ETV6: variants seen among roughly 807,000 people sequenced by gnomAD.
ETV6 encodes ETS variant transcription factor 6, also known as transcription factor ETV6.
In ETV6, 16 loss-of-function variants were observed where a neutral mutation model predicts 51.1. That is an observed-to-expected ratio of 0.31 (90% CI 0.21 to 0.48). The LOEUF is 0.48. Among genes scored for constraint, ETV6 ranks in the 20% least tolerant of loss-of-function variants. The probability of loss-of-function intolerance (pLI) is 0.99; values close to 1 mark genes in which losing one functional copy is unlikely to be tolerated. For synonymous variants in ETV6, 240 were observed against 224.1 expected (o/e 1.07, Z -0.64); for missense variants, 458 against 594.8 (o/e 0.77, Z 2.39).
intron 1 of ETV6, among the ~76,000 whole-genome samples, chr12:11,678,557 C>T (rs1189522703): frequency 6.6e-6 from 1 of 152,158 alleles, no homozygotes; most frequent in Non-Finnish European, 1.5e-5. Flanking sequence ...CCGATTATAT[C>T]CCTTTTTTCT....
In ETV6 at chr12:11,650,013, G is replaced by A; in HGVS notation, c.-115G>A. Reference sequence around the variant, plus strand: ...CGGGGCGGCTGCCGGGAGAGATGCTGGAAGAAACTTCTTAAATGACCGCGT... The same window carrying A: ...CGGGGCGGCTGCCGGGAGAGATGCTAGAAGAAACTTCTTAAATGACCGCGT... On this transcript the variant is annotated 5_prime_UTR_variant, in exon 1 of 8. Transcript: ENST00000396373. 2.0e-6 allele frequency: 2 copies of A among 1,003,126 alleles called. No individual in the cohort carries two copies. Among genetic ancestry groups the A allele is most frequent in the Non-Finnish European group, 3.2e-6 (2 of 634,610 alleles). 62.1% of individuals were successfully genotyped at this position (1,003,126 alleles called of 1,614,324 possible).
At chr12:11,875,105 AAAAT>A (rs1946962957) in intron 5 of ETV6, among the ~76,000 whole-genome samples, 1 of 152,260 alleles carries the variant, frequency 6.6e-6, no homozygotes, top group South Asian at 2.1e-4. Flanking sequence ...TGGAAAAACT[AAAAT>A]AATCAAGAAA....
At chr12:11,848,254 A>G (rs1441074400) in intron 3 of ETV6, among the ~76,000 whole-genome samples, 1 of 152,186 alleles carries the variant, frequency 6.6e-6, no homozygotes, top group Admixed American at 6.5e-5. Context: ...AAAATATTGA[A>G]CTAAGCCCTG....
At chr12:11,822,226 A>T (rs918709940) in intron 2 of ETV6, among the ~76,000 whole-genome samples, 1 of 152,116 alleles carries the variant, frequency 6.6e-6, no homozygotes, top group East Asian at 1.9e-4. Flanking sequence ...GTGAACGGAG[A>T]GGTGGACAAA....
chr12:11,690,449 G>A (rs1864732787), intron 1 of ETV6, among the ~76,000 whole-genome samples: 1 of 151,810 alleles, frequency 6.6e-6, no homozygotes, highest in Non-Finnish European at 1.5e-5. Context: ...TTTTATGCTG[G>A]TTGTGATGGC....
At chr12:11,872,604 G>A (rs1461208387) in intron 5 of ETV6, among the ~76,000 whole-genome samples, 3 of 149,686 alleles carry the variant, frequency 2.0e-5, no homozygotes, top group Admixed American at 1.4e-4. Flanking sequence ...AGTGATTCTC[G>A]TGCCTCAGCC....
rs149122701 is a variant in ETV6, at chr12:11,784,289, C to T, written c.163+31710C>T. ...CACTAAAAATACAAAATTAGCTGGGCGTGGTGGCACCCGCCTGTAATCCAC... is the reference window on the plus strand; with the variant it reads ...CACTAAAAATACAAAATTAGCTGGGTGTGGTGGCACCCGCCTGTAATCCAC... On this transcript the variant is annotated intron_variant, in intron 2 of 7. Transcript: ENST00000396373. Among the ~76,000 whole-genome samples the T allele has an allele frequency of 1.0e-2, 1,514 of 151,920 alleles. 28 individuals are homozygous for T. Among genetic ancestry groups the T allele is most frequent in the African/African-American group, 0.034 (1,405 of 41,384 alleles).
At chr12:11,679,532 G>A (rs1864486462) in intron 1 of ETV6, among the ~76,000 whole-genome samples, 1 of 152,226 alleles carries the variant, frequency 6.6e-6, no homozygotes, top group African/African-American at 2.4e-5. Flanking sequence ...TAGGAACAGA[G>A]TGATCTTTTC....
chr12:11,775,830 C>G (rs975816312), intron 2 of ETV6, among the ~76,000 whole-genome samples: 1 of 152,202 alleles, frequency 6.6e-6, no homozygotes, highest in Non-Finnish European at 1.5e-5. Context: ...GCACTGAGCA[C>G]CAAGTTATTA....
intron 1 of ETV6, among the ~76,000 whole-genome samples, chr12:11,735,719 C>A (rs139775711): frequency 3.7e-4 from 57 of 152,292 alleles, no homozygotes; most frequent in African/African-American, 1.3e-3. Context: ...TCGTCTCAGC[C>A]TCTTGAGTAG....
At chr12:11,760,878 ATGTGTGTGTGTGTG>A (rs59373097) in intron 2 of ETV6, among the ~76,000 whole-genome samples, 1 of 148,426 alleles carries the variant, frequency 6.7e-6, no homozygotes, top group Non-Finnish European at 1.5e-5. Flanking sequence ...TATTATATAT[ATGTGTGTGTGTGTG>A]TGTGTGTGTG....
intron 2 of ETV6, among the ~76,000 whole-genome samples, chr12:11,794,406 G>T (rs1196920487): frequency 6.6e-6 from 1 of 152,146 alleles, no homozygotes; most frequent in Non-Finnish European, 1.5e-5. Flanking sequence ...GCACAAGCAG[G>T]TTTTCTAGTG....
intron 1 of ETV6, among the ~76,000 whole-genome samples, chr12:11,671,116 G>T (rs1321993734): frequency 6.6e-6 from 1 of 152,170 alleles, no homozygotes; most frequent in Admixed American, 6.5e-5. Flanking sequence ...TCCTGAAAAA[G>T]GGTAAGGTTG....
intron 2 of ETV6, among the ~76,000 whole-genome samples, chr12:11,813,369 G>T (rs375604082): frequency 3.9e-5 from 6 of 152,270 alleles, no homozygotes; most frequent in African/African-American, 1.4e-4. Context: ...TGTGAACTGC[G>T]GGGCTGTCTG....
intron 2 of ETV6, among the ~76,000 whole-genome samples, chr12:11,755,645 C>G (rs1218786229): frequency 2.0e-5 from 3 of 152,140 alleles, no homozygotes; most frequent in Non-Finnish European, 4.4e-5. Context: ...GCTGAGTTTC[C>G]AAACCTAAAA....
chr12:11,847,159 A>G (rs1428867734), intron 3 of ETV6, among the ~76,000 whole-genome samples: 1 of 152,200 alleles, frequency 6.6e-6, no homozygotes, highest in African/African-American at 2.4e-5. Context: ...GATAAAAGGC[A>G]GAGTCTGCAG....
At chr12:11,661,497 A>G (rs1425950991) in intron 1 of ETV6, among the ~76,000 whole-genome samples, 1 of 152,208 alleles carries the variant, frequency 6.6e-6, no homozygotes, top group Non-Finnish European at 1.5e-5. Context: ...AGTGGGGTGA[A>G]CCCAGTAGGA....
Position 11,765,977 on chromosome 12 carries a change from C to T in ETV6, c.163+13398C>T, listed in dbSNP as rs929360667. 6.6e-5 allele frequency among the ~76,000 whole-genome samples: 10 copies of T among 152,034 alleles called. No individual in the cohort carries two copies. In the East Asian group the frequency reaches 1.5e-3, roughly 23 times the overall value. On this transcript the variant is annotated intron_variant, in intron 2 of 7. Transcript: ENST00000396373. ...GGTATGCTTATTTCTTCATGAAAGC[C>T]GCAGGTACTGGTTGCCTCTCGCAGG...
intron 1 of ETV6, among the ~76,000 whole-genome samples, chr12:11,661,660 T>G (rs1864102093): frequency 6.6e-6 from 1 of 152,222 alleles, no homozygotes; most frequent in South Asian, 2.1e-4. Context: ...TTTTGTGCCA[T>G]TTAGTCCTTC....
Sources: gnomAD v4.1 joint callset for allele counts (sites outside exome capture counted in the v4.1 genomes callset) on GRCh38, gnomAD v4.1.1 for gene constraint, MANE v1.5 for transcripts, NCBI Gene and HGNC (gene_info 2026-07-23, HGNC 2026-07-21) for gene names.